Variants in ROCK1 observed in about 807,000 individuals in gnomAD.
ROCK1 encodes rho-associated protein kinase 1.
ROCK1 carries 36 observed loss-of-function variants against 196.8 expected under a neutral mutation model. The ratio of observed to expected loss-of-function variants is 0.18; its 90% CI spans 0.14 to 0.24. The LOEUF is 0.24. Among genes scored for constraint, ROCK1 ranks in the 10% least tolerant of loss-of-function variants. The probability of loss-of-function intolerance (pLI) is 1.00; values close to 1 mark genes in which losing one functional copy is unlikely to be tolerated. For synonymous variants in ROCK1, 443 were observed against 515.9 expected (o/e 0.86, Z 1.91); for missense variants, 920 against 1,562.0 (o/e 0.59, Z 6.93).
chr18:21,060,260 T>C (rs555384359), intron 2 of ROCK1, among the ~76,000 whole-genome samples: 1 of 152,342 alleles, frequency 6.6e-6, no homozygotes, highest in South Asian at 2.1e-4. Context: ...ATGATTTTTA[T>C]ATGACACAAA....
At chr18:20,988,012 T>C (rs940135652) in intron 18 of ROCK1, among the ~76,000 whole-genome samples, 2 of 152,140 alleles carry the variant, frequency 1.3e-5, no homozygotes, top group East Asian at 3.9e-4. Flanking sequence ...CCACAATAGA[T>C]GCCTTTACTT....
chr18:20,973,199 G>A (rs2035446672), intron 22 of ROCK1, among the ~76,000 whole-genome samples: 1 of 151,848 alleles, frequency 6.6e-6, no homozygotes. Flanking sequence ...GTTTTTAGAG[G>A]AGATATCTAA....
intron 22 of ROCK1, among the ~76,000 whole-genome samples, chr18:20,978,865 T>C (rs1480460129): frequency 6.6e-6 from 1 of 152,214 alleles, no homozygotes; most frequent in East Asian, 1.9e-4. Flanking sequence ...TATAATGACA[T>C]TTGTCATAGT....
chr18:21,084,388 T>A (rs1001689243), intron 1 of ROCK1, among the ~76,000 whole-genome samples: 2 of 152,140 alleles, frequency 1.3e-5, no homozygotes, highest in African/African-American at 2.4e-5. Flanking sequence ...AAGAGATTAT[T>A]ACGCAAAATA....
intron 13 of ROCK1, among the ~76,000 whole-genome samples, chr18:21,014,472 T>C (rs1377501767): frequency 6.6e-6 from 1 of 152,244 alleles, no homozygotes; most frequent in Non-Finnish European, 1.5e-5. Flanking sequence ...GTGAGACTAT[T>C]TTAATTTCAT....
intron 10 of ROCK1, among the ~76,000 whole-genome samples, chr18:21,027,504 A>G (rs982345974): frequency 7.9e-5 from 12 of 152,186 alleles, no homozygotes; most frequent in Non-Finnish European, 1.5e-4. Context: ...ACTAATGGTA[A>G]TAATAGTTAA....
chr18:20,948,998 C>T lies in ROCK1; in HGVS notation c.*2386G>A, dbSNP rs1329322688. The T allele has an allele frequency of 1.3e-5, 2 of 151,334 alleles. No homozygotes were observed. The highest frequency in any genetic ancestry group is 3.0e-5 in the Non-Finnish European group (2 of 67,710). The allele number at this position is 151,334 out of a possible 1,614,324, so 9.4% of individuals were successfully genotyped here. A position where few individuals can be genotyped will look rare whatever the true frequency, so the allele number is the denominator to read the frequency against. The stretch of plus-strand genomic sequence containing the variant: ...GATTATGGCACTATCTGGACCCTCT[C>T]AATATTGGTATACTTGGGAGTGAGT... On this transcript the variant is annotated 3_prime_UTR_variant, in exon 33 of 33. Transcript: ENST00000399799.
chr18:21,015,404 G>T, intron 13 of ROCK1, 27 bp downstream of exon 13: 1 of 1,456,050 alleles, frequency 6.9e-7, no homozygotes, highest in Non-Finnish European at 9.6e-7. Context: ...TCTCAAAAAG[G>T]AAACTTGATT....
chr18:21,052,230 C>T (rs1185778579), intron 2 of ROCK1, among the ~76,000 whole-genome samples: 1 of 152,170 alleles, frequency 6.6e-6, no homozygotes, highest in Non-Finnish European at 1.5e-5. Flanking sequence ...GGATGGCTTT[C>T]AATCAAACTC....
intron 19 of ROCK1, 39 bp downstream of exon 19, chr18:20,986,908 TCTC>T (rs746404911): frequency 6.6e-7 from 1 of 1,510,466 alleles, no homozygotes; most frequent in Non-Finnish European, 9.0e-7. Context: ...TATAACCGTT[TCTC>T]TTTTAATAGA....
intron 21 of ROCK1, 103 bp downstream of exon 21, chr18:20,982,660 G>A: frequency 1.7e-6 from 1 of 600,646 alleles, no homozygotes; most frequent in Non-Finnish European, 3.0e-6. Flanking sequence ...AGAAGATGAA[G>A]AGTCATTTGA....
At position 21,028,795 on chromosome 18, in the gene ROCK1, T is replaced by A. The variant is rs1408071482; in HGVS notation, c.1192A>T (p.Thr398Ser). The A allele has an allele frequency of 6.2e-7, 1 of 1,611,688 alleles. No individual in the cohort carries two copies. The highest frequency in any genetic ancestry group is 8.5e-7 in the Non-Finnish European group (1 of 1,179,382). ...ACTTACCTACGATTGCTATAATATG[T>A]AAATCCTACAAAAGGTAGTTGATTG... Reference protein sequence around the residue: ...VGNQLPFVGFTYYSNRRYLSS... With the variant: ...VGNQLPFVGFSYYSNRRYLSS... Residue 398 changes from threonine to serine, a missense_variant, in exon 10 of 33, where the codon ACA becomes TCA. Around this residue, in one of 6 missense-constraint regions of ROCK1, gnomAD observed 1 missense variants for 19.8 expected, o/e 0.05. Coordinates refer to ENST00000399799, the MANE Select transcript of ROCK1 (RefSeq NM_005406.3).
Position 21,015,423 on chromosome 18 carries a change from A to G in ROCK1, c.1410+8T>C. The G allele has an allele frequency of 6.5e-7, 1 of 1,549,228 alleles. No individual in the cohort carries two copies. The highest frequency in any genetic ancestry group is 1.1e-5 in the South Asian group (1 of 87,418). On this transcript the variant is annotated splice_region_variant and intron_variant, in intron 13 of 32. Coordinates refer to ENST00000399799, the MANE Select transcript of ROCK1 (RefSeq NM_005406.3). ...AAAAAGGAAACTTGATTAGAAAACA[A>G]AAAGTACCTCTTCATCCAATTCTTT...
intron 2 of ROCK1, among the ~76,000 whole-genome samples, chr18:21,061,385 T>A (rs2036289271): frequency 6.6e-6 from 1 of 152,212 alleles, no homozygotes; most frequent in South Asian, 2.1e-4. Context: ...CAGCCTTAAA[T>A]GCATTTTTGC....
At chr18:21,042,454 C>T in intron 7 of ROCK1, 111 bp downstream of exon 7, 8 of 1,246,264 alleles carry the variant, frequency 6.4e-6, no homozygotes, top group Non-Finnish European at 8.8e-6. Flanking sequence ...TGTTTATTAC[C>T]CACAAATAAA....
At chr18:21,007,637 A>C (rs1489448528) in intron 14 of ROCK1, among the ~76,000 whole-genome samples, 2 of 152,194 alleles carry the variant, frequency 1.3e-5, no homozygotes, top group Non-Finnish European at 2.9e-5. Context: ...TTTGTAACAC[A>C]AGCATTAAAA....
In ROCK1 at chr18:20,953,694, T is replaced by C. The variant is rs1203780711; in HGVS notation, c.3945A>G (p.Lys1315=). The C allele has an allele frequency of 1.2e-6, 2 of 1,601,726 alleles. No individual in the cohort carries two copies. Among genetic ancestry groups the C allele is most frequent in the East Asian group, 4.5e-5 (2 of 44,732 alleles). ...AACCAGATGGTGGATTCTTAGGGATTTTCTTTACTAAATGAGTTACCCATT... is the reference window on the plus strand; with the variant it reads ...AACCAGATGGTGGATTCTTAGGGATCTTCTTTACTAAATGAGTTACCCATT... The part of the protein sequence containing the change: ...QKKWVTHLVK[K]IPKNPPSGFV... The change falls in exon 32 of 33, where the codon AAA becomes AAG. Residue 1315 remains lysine (K), a synonymous_variant. Coordinates refer to ENST00000399799, the MANE Select transcript of ROCK1 (RefSeq NM_005406.3).
intron 9 of ROCK1, among the ~76,000 whole-genome samples, chr18:21,030,726 T>C (rs1255690443): frequency 2.6e-5 from 4 of 152,188 alleles, no homozygotes; most frequent in Non-Finnish European, 4.4e-5. Context: ...AAGATAACTA[T>C]GGAATAAACA....
At chr18:20,952,383 A>AAATGAATGAATG (rs4007700) in intron 32 of ROCK1, among the ~76,000 whole-genome samples, 3,921 of 147,566 alleles carry the variant, frequency 0.027, 77 homozygotes, top group African/African-American at 0.054. Flanking sequence ...CTCTGTCTCA[A>AAATGAATGAATG]AATGAATGAA....
Sources: gnomAD v4.1 joint callset for allele counts (sites outside exome capture counted in the v4.1 genomes callset) on GRCh38, gnomAD v4.1.1 for gene constraint, gnomAD v4.1.1 regional missense constraint, MANE v1.5 for transcripts, NCBI Gene and HGNC (gene_info 2026-07-23, HGNC 2026-07-21) for gene names.